Variants in PTPN13 observed in about 807,000 individuals in gnomAD.
The protein encoded by PTPN13 is protein tyrosine phosphatase non-receptor type 13.
In PTPN13, 191 loss-of-function variants were observed where a neutral mutation model predicts 284.0. The observed-to-expected ratio is 0.67, with a 90% CI of 0.60 to 0.76. The LOEUF is 0.76. PTPN13 is among the 30% of genes least tolerant of loss of function. The pLI, the probability that PTPN13 is intolerant of heterozygous loss-of-function variation, is 0.00. For synonymous variants in PTPN13, 986 were observed against 1,022.3 expected (o/e 0.96, Z 0.68); for missense variants, 2,797 against 2,939.9 (o/e 0.95, Z 1.12).
chr4:86,810,576 A>G (rs901496671), intron 46 of PTPN13, among the ~76,000 whole-genome samples: 2 of 152,194 alleles, frequency 1.3e-5, no homozygotes, highest in Non-Finnish European at 2.9e-5. Context: ...CTTAAAAAGA[A>G]TTTTAGTTAA....
intron 42 of PTPN13, among the ~76,000 whole-genome samples, chr4:86,803,064 C>CTGTGTGTGTGTGTG (rs143647187): frequency 5.7e-4 from 77 of 136,150 alleles, no homozygotes; most frequent in African/African-American, 1.6e-3. Flanking sequence ...CAGAATAAGA[C>CTGTGTGTGTGTGTG]TGTGTGTGTG....
At chr4:86,621,775 T>C (rs1224990239) in intron 1 of PTPN13, among the ~76,000 whole-genome samples, 3 of 151,942 alleles carry the variant, frequency 2.0e-5, no homozygotes, top group South Asian at 2.1e-4. Context: ...GATAAGAATA[T>C]GCATAAGAGA....
At position 86,734,461 on chromosome 4, in the gene PTPN13, G is replaced by A; in HGVS notation, c.2012+5G>A. The A allele has an allele frequency of 1.3e-6, 2 of 1,526,878 alleles. No individual in the cohort carries two copies. The highest frequency in any genetic ancestry group is 8.8e-7 in the Non-Finnish European group (1 of 1,136,448). The allele number at this position is 1,526,878 out of a possible 1,614,324, so 94.6% of individuals were successfully genotyped here. A position where few individuals can be genotyped will look rare whatever the true frequency, so the allele number is the denominator to read the frequency against. ...GGATGATGTTAGTCTAATACAGTGA[G>A]TACACAAGAGTTTCTCTTTTGCTCT... is the stretch of plus-strand genomic sequence containing the variant. On this transcript the variant is annotated splice_donor_5th_base_variant and intron_variant, in intron 13 of 47. Transcript: ENST00000411767.
At chr4:86,713,110 T>C (rs915968490) in intron 7 of PTPN13, among the ~76,000 whole-genome samples, 9 of 152,248 alleles carry the variant, frequency 5.9e-5, no homozygotes, top group East Asian at 1.9e-4. Flanking sequence ...AAAAGTTCTT[T>C]ACTCATTTTA....
At position 86,767,951 on chromosome 4, in the gene PTPN13, C is replaced by T. The variant is rs1291639235; in HGVS notation, c.4464C>T (p.Val1488=). ...AAAAAGTGAAGAAAACAACTCAGGTCAAAGACTACAGCTTTGTCACTGAAG... is the reference window on the plus strand; with the variant it reads ...AAAAAGTGAAGAAAACAACTCAGGTTAAAGACTACAGCTTTGTCACTGAAG... ...GPEKVKKTTQ[V]KDYSFVTEEN... Residue 1488 remains valine (V), a synonymous_variant, in exon 28 of 48, where the codon GTC becomes GTT. Transcript: ENST00000411767. 3.7e-6 allele frequency: 6 copies of T among 1,611,522 alleles called. No homozygotes were observed. Among genetic ancestry groups the T allele is most frequent in the Non-Finnish European group, 5.1e-6 (6 of 1,178,990 alleles).
intron 1 of PTPN13, among the ~76,000 whole-genome samples, chr4:86,606,278 G>A (rs962717049): frequency 2.0e-5 from 3 of 151,780 alleles, no homozygotes; most frequent in Non-Finnish European, 1.5e-5. Flanking sequence ...TGGGATTGGG[G>A]CTGTATTTAA....
At chr4:86,791,938 G>A (rs1355896831) in intron 40 of PTPN13, among the ~76,000 whole-genome samples, 1 of 152,144 alleles carries the variant, frequency 6.6e-6, no homozygotes, top group Non-Finnish European at 1.5e-5. Context: ...AAAAACCAGA[G>A]TGCCTCTTCT....
intron 2 of PTPN13, among the ~76,000 whole-genome samples, chr4:86,652,715 A>C (rs987554118): frequency 9.9e-5 from 15 of 151,876 alleles, no homozygotes; most frequent in African/African-American, 2.7e-4. Context: ...TTTGAGTTTG[A>C]TAATTATATA....
chr4:86,741,813 T>C lies in PTPN13; in HGVS notation c.2484T>C (p.Phe828=), dbSNP rs1259999515. 3 of 1,589,790 alleles carry C rather than the reference T, an allele frequency of 1.9e-6. No homozygotes were observed. Among genetic ancestry groups the C allele is most frequent in the East Asian group, 2.3e-5 (1 of 44,270 alleles). The change falls in exon 16 of 48, where the codon TTT becomes TTC. Residue 828 remains phenylalanine, a synonymous_variant. Coordinates refer to ENST00000411767, the MANE Select transcript of PTPN13 (RefSeq NM_080683.3). ...GGAGGGAAACCAAGAAAATATCTTT[T>C]TCTGTATGTCCATTTAACCTCTTTT... ...FPWRETKKIS[F]SKKKITLQNT...
intron 1 of PTPN13, among the ~76,000 whole-genome samples, chr4:86,626,839 G>A (rs1322551914): frequency 1.3e-5 from 2 of 152,014 alleles, no homozygotes; most frequent in African/African-American, 2.4e-5. Flanking sequence ...CAACCCCTAC[G>A]TTACTCAAGG....
In PTPN13 at chr4:86,689,889, G is replaced by T. The variant is rs964898692; in HGVS notation, c.546+699G>T. 1.0e-5 allele frequency: 6 copies of T among 601,810 alleles called. No homozygotes were observed. In the African/African-American group the frequency reaches 1.1e-4, roughly 11 times the overall value. 37.3% of individuals were successfully genotyped at this position (601,810 alleles called of 1,614,324 possible). A position where few individuals can be genotyped will look rare whatever the true frequency, so the allele number is the denominator to read the frequency against. ...TACTTTATCTGCTCTTATCCTTAGG[G>T]TTGTAGTCCTGGAGTGTTGGTCCCT... is the stretch of plus-strand genomic sequence containing the variant. On this transcript the variant is annotated intron_variant, in intron 5 of 47. Coordinates refer to ENST00000411767, the MANE Select transcript of PTPN13 (RefSeq NM_080683.3).
chr4:86,716,640 A>G lies in PTPN13; in HGVS notation c.1291+15A>G. On this transcript the variant is annotated intron_variant, in intron 8 of 47. Coordinates refer to ENST00000411767, the MANE Select transcript of PTPN13 (RefSeq NM_080683.3). ...TTTCAGACAAGGTAGGAGGCATCTG[A>G]AACAAGCAAACTGTTTTTAAGAAAC... is the stretch of plus-strand genomic sequence containing the variant. 6.8e-7 allele frequency: 1 copy of G among 1,467,588 alleles called. No homozygotes were observed. Among genetic ancestry groups the G allele is most frequent in the Non-Finnish European group, 9.3e-7 (1 of 1,074,814 alleles). 90.9% of individuals were successfully genotyped at this position (1,467,588 alleles called of 1,614,324 possible).
intron 17 of PTPN13, among the ~76,000 whole-genome samples, chr4:86,746,831 A>G (rs538644610): frequency 2.6e-5 from 4 of 152,136 alleles, no homozygotes; most frequent in Admixed American, 6.5e-5. Context: ...GGGTTTCACT[A>G]TGTTGGCCAG....
intron 1 of PTPN13, among the ~76,000 whole-genome samples, chr4:86,619,404 T>C (rs976937037): frequency 7.9e-5 from 12 of 152,220 alleles, no homozygotes; most frequent in African/African-American, 2.9e-4. Flanking sequence ...TAAAAATGAT[T>C]TTGATATTAC....
Position 86,668,762 on chromosome 4 carries a change from A to ATT in PTPN13, c.116-3580_116-3579dup, listed in dbSNP as rs776320959. On this transcript the variant is annotated intron_variant, in intron 2 of 47. Transcript: ENST00000411767. ...AGGTACCCACCACCACGCCCAGCTA[A>ATT]TTTTTTTTTTTTTTTTTTTTTTTTA... Among the ~76,000 whole-genome samples, 176 of 112,280 alleles carry ATT rather than the reference A, an allele frequency of 1.6e-3. 1 individual carries two copies. Among genetic ancestry groups the ATT allele is most frequent in the African/African-American group, 5.5e-3 (159 of 28,720 alleles). The allele number at this position is 112,280 out of a possible 152,430, so 73.7% of individuals were successfully genotyped here. A position where few individuals can be genotyped will look rare whatever the true frequency, so the allele number is the denominator to read the frequency against.
At chr4:86,783,482 C>A (rs1741561931) in intron 37 of PTPN13, among the ~76,000 whole-genome samples, 1 of 152,008 alleles carries the variant, frequency 6.6e-6, no homozygotes, top group Non-Finnish European at 1.5e-5. Context: ...ACCCTAGAAA[C>A]CAGGACTTTT....
At chr4:86,623,772 T>C (rs1721520416) in intron 1 of PTPN13, among the ~76,000 whole-genome samples, 1 of 152,194 alleles carries the variant, frequency 6.6e-6, no homozygotes, top group Admixed American at 6.6e-5. Flanking sequence ...TTTAGAACTT[T>C]GCTCAAATGA....
chr4:86,632,822 T>G (rs1722609033), intron 1 of PTPN13, among the ~76,000 whole-genome samples: 1 of 151,998 alleles, frequency 6.6e-6, no homozygotes, highest in East Asian at 1.9e-4. Context: ...TTCTTTTTAG[T>G]TTTTTAGAAA....
At chr4:86,716,806 A>G (rs934697245) in intron 8 of PTPN13, among the ~76,000 whole-genome samples, 181 bp downstream of exon 8, 1 of 152,220 alleles carries the variant, frequency 6.6e-6, no homozygotes, top group African/African-American at 2.4e-5. Flanking sequence ...CAGTTTCTTC[A>G]AATAACGATG....
Sources: gnomAD v4.1 joint callset for allele counts (sites outside exome capture counted in the v4.1 genomes callset) on GRCh38, gnomAD v4.1.1 for gene constraint, MANE v1.5 for transcripts, NCBI Gene and HGNC (gene_info 2026-07-23, HGNC 2026-07-21) for gene names.